SOX5: variants seen among roughly 807,000 people sequenced by gnomAD.
SOX5 encodes the protein transcription factor SOX-5.
SOX5 carries 9 observed loss-of-function variants against 92.0 expected under a neutral mutation model. That is an observed-to-expected ratio of 0.10 (90% CI 0.06 to 0.17). The LOEUF (loss-of-function observed/expected upper bound fraction) is 0.17, where lower values mean the gene tolerates loss of function less well. Ranked by LOEUF, SOX5 falls within the 10% of genes least tolerant of loss-of-function variation. SOX5 has a pLI of 1.00. For missense variants in SOX5, 642 were observed against 944.5 expected (o/e 0.68, Z 4.20); for synonymous variants, 344 against 336.3 (o/e 1.02, Z -0.25).
At chr12:24,014,878 T>C (rs944593123) in intron 4 of SOX5, among the ~76,000 whole-genome samples, 1 of 152,122 alleles carries the variant, frequency 6.6e-6, no homozygotes, top group Non-Finnish European at 1.5e-5. Flanking sequence ...TTTCATTAAG[T>C]GCTTTTTGGG....
chr12:24,018,681 C>A (rs1268110648), intron 4 of SOX5, among the ~76,000 whole-genome samples: 5 of 152,066 alleles, frequency 3.3e-5, no homozygotes, highest in African/African-American at 4.8e-5. Context: ...CCAATAATCC[C>A]AGTTACTCAG....
rs80052959 is a variant in SOX5 at position 23,883,754 on chromosome 12, T to C, written c.270+12039A>G. ...AACAAAATGTGGTTTTTGACTTTAC[T>C]GAGGTAGATATTGGTGTGGTGGTGT... On this transcript the variant is annotated intron_variant, in intron 2 of 14. Transcript: ENST00000451604. Among the ~76,000 whole-genome samples the C allele has an allele frequency of 5.2e-3, 785 of 152,332 alleles. 4 individuals are homozygous for C. Among genetic ancestry groups the C allele is most frequent in the Non-Finnish European group, 8.3e-3 (566 of 68,028 alleles).
chr12:24,440,190 A>G (rs1940252920), intron 1 of SOX5, among the ~76,000 whole-genome samples: 1 of 152,088 alleles, frequency 6.6e-6, no homozygotes, highest in Non-Finnish European at 1.5e-5. Context: ...TTAAATTTGG[A>G]TGGGTGCCTC....
intron 3 of SOX5, among the ~76,000 whole-genome samples, chr12:23,813,711 C>A (rs2095924236): frequency 6.6e-6 from 1 of 152,168 alleles, no homozygotes. Context: ...AAAGAGCATG[C>A]ATGCTTGAAT....
intron 4 of SOX5, among the ~76,000 whole-genome samples, chr12:24,111,018 G>A (rs1433111335): frequency 1.3e-5 from 2 of 151,586 alleles, no homozygotes; most frequent in Non-Finnish European, 2.9e-5. Context: ...AATACTTTGG[G>A]TCCAACATGT....
At chr12:24,531,427 G>C (rs1457898829) in intron 1 of SOX5, among the ~76,000 whole-genome samples, 2 of 152,122 alleles carry the variant, frequency 1.3e-5, no homozygotes, top group Non-Finnish European at 2.9e-5. Flanking sequence ...ATTTTTGCAT[G>C]TCAGTTATAA....
At chr12:23,875,933 T>C (rs1301298766) in intron 2 of SOX5, among the ~76,000 whole-genome samples, 2 of 152,216 alleles carry the variant, frequency 1.3e-5, no homozygotes, top group Non-Finnish European at 2.9e-5. Flanking sequence ...GGAAATACTG[T>C]AGCACAAAAG....
chr12:24,074,312 T>C (rs867355499), intron 4 of SOX5, among the ~76,000 whole-genome samples: 5 of 151,936 alleles, frequency 3.3e-5, no homozygotes, highest in South Asian at 4.1e-4. Flanking sequence ...GCAGATCGAA[T>C]CAAACCTGTA....
intron 6 of SOX5, among the ~76,000 whole-genome samples, chr12:23,726,982 T>G (rs959805091): frequency 2.6e-5 from 4 of 152,170 alleles, no homozygotes; most frequent in African/African-American, 7.2e-5. Context: ...AACCCAGGAT[T>G]CACTTCAGAA....
At chr12:24,549,142 A>G (rs1027964793) in intron 1 of SOX5, among the ~76,000 whole-genome samples, 2 of 152,092 alleles carry the variant, frequency 1.3e-5, no homozygotes, top group African/African-American at 4.8e-5. Flanking sequence ...AAAATGTGAC[A>G]TTTTCATGTA....
chr12:24,451,592 A>G (rs1337057598), intron 1 of SOX5, among the ~76,000 whole-genome samples: 2 of 152,218 alleles, frequency 1.3e-5, no homozygotes, highest in African/African-American at 4.8e-5. Flanking sequence ...AAAAAAATGA[A>G]TATCTAATAT....
At chr12:24,010,411 T>C (rs1026753383) in intron 4 of SOX5, among the ~76,000 whole-genome samples, 5 of 152,156 alleles carry the variant, frequency 3.3e-5, no homozygotes, top group African/African-American at 7.2e-5. Flanking sequence ...CAATAACACA[T>C]TGGATTGCAT....
Position 23,722,551 on chromosome 12 carries a change from C to A in SOX5, c.810+12133G>T, listed in dbSNP as rs539106770. ...ATCACAAATGTATATAAATGATTAA[C>A]CTTGGATTCATTTCACAAATTGTGA... On this transcript the variant is annotated intron_variant, in intron 6 of 14. Transcript: ENST00000451604. Among the ~76,000 whole-genome samples the A allele has an allele frequency of 4.6e-5, 7 of 152,214 alleles. No individual in the cohort carries two copies. The South Asian group carries it at 1.4e-3, about 32-fold the overall frequency.
intron 10 of SOX5, among the ~76,000 whole-genome samples, chr12:23,566,173 C>A (rs1947049408): frequency 6.6e-6 from 1 of 152,306 alleles, no homozygotes; most frequent in Middle Eastern, 3.4e-3. Flanking sequence ...ATCTCTACCA[C>A]CTCAACTTGT....
chr12:24,258,949 C>T (rs538981040), intron 3 of SOX5, among the ~76,000 whole-genome samples: 177 of 152,284 alleles, frequency 1.2e-3, no homozygotes, highest in African/African-American at 4.1e-3. Context: ...CTGGTGAGCC[C>T]AAAGGCTCCA....
rs538149016 is a variant in SOX5 at position 24,118,978 on chromosome 12, T to C, written c.-2+94365A>G. Among the ~76,000 whole-genome samples the C allele has an allele frequency of 1.6e-4, 25 of 152,300 alleles. No homozygotes were observed. In the East Asian group the frequency reaches 4.6e-3, roughly 28 times the overall value. On this transcript the variant is annotated intron_variant, in intron 4 of 4. Coordinates refer to the SOX5 transcript ENST00000446891. ...TCTCAGTCATAAAATGTATTAATGA[T>C]ATATCTTTAGAAGTATCCCTTAACT...
chr12:23,829,975 G>T (rs1043478758), intron 3 of SOX5, among the ~76,000 whole-genome samples: 1 of 152,092 alleles, frequency 6.6e-6, no homozygotes, highest in Non-Finnish European at 1.5e-5. Context: ...TATATAAAAA[G>T]ATTACCAAGC....
At chr12:24,452,885 G>A (rs1361380374) in intron 1 of SOX5, among the ~76,000 whole-genome samples, 3 of 152,066 alleles carry the variant, frequency 2.0e-5, no homozygotes, top group Non-Finnish European at 4.4e-5. Context: ...TGATTTATGA[G>A]AACATTCAGG....
At chr12:23,628,965 A>G (rs2078187661) in intron 8 of SOX5, among the ~76,000 whole-genome samples, 2 of 152,144 alleles carry the variant, frequency 1.3e-5, no homozygotes, top group South Asian at 4.1e-4. Context: ...TCTTATCTGC[A>G]TGATTATATA....
Sources: allele counts gnomAD v4.1 joint callset (sites outside exome capture counted in the v4.1 genomes callset), GRCh38; gene constraint gnomAD v4.1.1; transcripts MANE v1.5; gene names NCBI Gene and HGNC (gene_info 2026-07-23, HGNC 2026-07-21).